NKAIN3: variants seen among roughly 807,000 people sequenced by gnomAD.
NKAIN3 encodes the protein sodium/potassium transporting ATPase interacting 3.
In NKAIN3, 25 loss-of-function variants were observed where a neutral mutation model predicts 30.2. That is an observed-to-expected ratio of 0.83 (90% confidence interval 0.60 to 1.16). NKAIN3 has a LOEUF of 1.16. NKAIN3 is among the 50% of genes most tolerant of loss of function. The pLI is 0.00. For missense variants in NKAIN3, 225 were observed against 254.1 expected (o/e 0.89, Z 0.78); for synonymous variants, 91 against 89.6 (o/e 1.02, Z -0.09).
At chr8:62,429,568 T>C (rs1403605308) in intron 1 of NKAIN3, among the ~76,000 whole-genome samples, 1 of 151,916 alleles carries the variant, frequency 6.6e-6, no homozygotes, top group Non-Finnish European at 1.5e-5. Context: ...TTGTCTAGTT[T>C]TGATATTAAG....
intron 3 of NKAIN3, among the ~76,000 whole-genome samples, chr8:62,644,719 CT>C (rs1409230715): frequency 3.3e-5 from 5 of 152,078 alleles, no homozygotes; most frequent in Non-Finnish European, 7.4e-5. Flanking sequence ...TTTAATAATA[CT>C]TTTGATTTTT....
chr8:62,938,060 A>G (rs1260566950), intron 5 of NKAIN3, among the ~76,000 whole-genome samples: 1 of 152,082 alleles, frequency 6.6e-6, no homozygotes, highest in Non-Finnish European at 1.5e-5. Flanking sequence ...CTGTCCAAAG[A>G]GAGGCTGAGC....
intron 1 of NKAIN3, among the ~76,000 whole-genome samples, chr8:62,302,905 G>A (rs1185334549): frequency 2.0e-5 from 3 of 150,416 alleles, no homozygotes; most frequent in Non-Finnish European, 2.9e-5. Flanking sequence ...TTATATAGAG[G>A]TTTGGGCTGT....
chr8:62,302,624 G>T (rs936570626), intron 1 of NKAIN3, among the ~76,000 whole-genome samples: 2 of 151,974 alleles, frequency 1.3e-5, no homozygotes, highest in South Asian at 2.1e-4. Context: ...GGCTTTTCTT[G>T]TAGTGCCAGG....
chr8:62,273,764 C>G (rs1812844216), intron 1 of NKAIN3, among the ~76,000 whole-genome samples: 1 of 152,194 alleles, frequency 6.6e-6, no homozygotes, highest in African/African-American at 2.4e-5. Flanking sequence ...CCTGTACCCT[C>G]TTATGAGATG....
intron 1 of NKAIN3, among the ~76,000 whole-genome samples, chr8:62,368,509 T>C (rs763674884): frequency 2.0e-5 from 3 of 151,448 alleles, no homozygotes; most frequent in Non-Finnish European, 4.4e-5. Context: ...GTGAAAGTTG[T>C]CAGAATCAAA....
intron 4 of NKAIN3, among the ~76,000 whole-genome samples, chr8:62,812,939 G>A (rs1818538950): frequency 6.6e-6 from 1 of 151,832 alleles, no homozygotes; most frequent in Admixed American, 6.6e-5. Context: ...CAGTTTCTGT[G>A]TTTGTTATCT....
chr8:62,416,158 G>A (rs1418329899), intron 1 of NKAIN3, among the ~76,000 whole-genome samples: 1 of 152,110 alleles, frequency 6.6e-6, no homozygotes, highest in African/African-American at 2.4e-5. Context: ...GGGAAAATTT[G>A]GGGGCTCATA....
chr8:62,760,575 A>G (rs564873490), intron 4 of NKAIN3, among the ~76,000 whole-genome samples: 13 of 146,470 alleles, frequency 8.9e-5, no homozygotes, highest in African/African-American at 3.2e-4. Context: ...GAATTGAACA[A>G]TGAGAACACA....
intron 4 of NKAIN3, among the ~76,000 whole-genome samples, chr8:62,750,150 C>T (rs115513079): frequency 0.017 from 2,519 of 152,066 alleles, 66 homozygotes; most frequent in African/African-American, 0.059. Flanking sequence ...CGAGAAAGGG[C>T]AGGGGCTCGG....
rs563983375 is a variant in NKAIN3 at position 62,673,545 on chromosome 8, G to A, written c.274-73387G>A. 2.6e-5 allele frequency among the ~76,000 whole-genome samples: 4 copies of A among 152,264 alleles called. No homozygotes were observed. In the South Asian group the frequency reaches 8.3e-4, roughly 32 times the overall value. On this transcript the variant is annotated intron_variant, in intron 3 of 6. Coordinates refer to ENST00000623646, the MANE Select transcript of NKAIN3 (RefSeq NM_001304533.3). ...TCTTAGGTGACCTCCATAGTGTCGG[G>A]GAGCTAGCTATAGTCATGCATCACT...
chr8:62,717,746 A>G (rs929563911), intron 3 of NKAIN3, among the ~76,000 whole-genome samples: 1 of 152,232 alleles, frequency 6.6e-6, no homozygotes, highest in Non-Finnish European at 1.5e-5. Flanking sequence ...TTACTAGACA[A>G]TAGTTCCCAA....
intron 5 of NKAIN3, among the ~76,000 whole-genome samples, chr8:62,921,138 A>G (rs1254314695): frequency 6.6e-6 from 1 of 152,212 alleles, no homozygotes; most frequent in East Asian, 1.9e-4. Flanking sequence ...TGAGGAAGAC[A>G]TGTCCTTTGA....
Position 62,973,007 on chromosome 8 carries a change from T to A in NKAIN3, c.*7600T>A, listed in dbSNP as rs532895105. ...TGTCCCTGCAAAGGACATTAACTCA[T>A]TTTTTATGGCTGCATAGTATTCCAT... is the stretch of plus-strand genomic sequence containing the variant. On this transcript the variant is annotated 3_prime_UTR_variant, in exon 7 of 7. Coordinates refer to ENST00000623646, the MANE Select transcript of NKAIN3 (RefSeq NM_001304533.3). 2.6e-5 allele frequency among the ~76,000 whole-genome samples: 4 copies of A among 152,170 alleles called. No individual in the cohort carries two copies. In the South Asian group the frequency reaches 8.3e-4, roughly 32 times the overall value.
At chr8:62,964,327 G>A (rs941337116) in intron 6 of NKAIN3, among the ~76,000 whole-genome samples, 2 of 152,184 alleles carry the variant, frequency 1.3e-5, no homozygotes, top group African/African-American at 2.4e-5. Context: ...TGTTTATGAA[G>A]TATCATCTAT....
chr8:62,900,331 T>C (rs540232499), intron 4 of NKAIN3, among the ~76,000 whole-genome samples: 1 of 152,328 alleles, frequency 6.6e-6, no homozygotes, highest in East Asian at 1.9e-4. Flanking sequence ...TGGATAGCAC[T>C]TAATTCTAAG....
chr8:62,456,519 A>G (rs1299408272), intron 1 of NKAIN3, among the ~76,000 whole-genome samples: 1 of 83,608 alleles, frequency 1.2e-5, no homozygotes, highest in Non-Finnish European at 2.4e-5. Context: ...ACTCCGTCTT[A>G]AAAAAAAAAA....
At chr8:62,327,194 T>A (rs1815171176) in intron 1 of NKAIN3, among the ~76,000 whole-genome samples, 1 of 152,018 alleles carries the variant, frequency 6.6e-6, no homozygotes, top group Non-Finnish European at 1.5e-5. Context: ...GTTTAGGAGT[T>A]CTCTACATAT....
intron 4 of NKAIN3, among the ~76,000 whole-genome samples, chr8:62,810,347 G>C (rs1175059330): frequency 6.6e-6 from 1 of 152,072 alleles, no homozygotes; most frequent in Non-Finnish European, 1.5e-5. Context: ...TGTATTTGGA[G>C]GAGTAGGTCA....
Sources: allele counts gnomAD v4.1 joint callset (sites outside exome capture counted in the v4.1 genomes callset), GRCh38; gene constraint gnomAD v4.1.1; transcripts MANE v1.5; gene names NCBI Gene and HGNC (gene_info 2026-07-23, HGNC 2026-07-21).